Variants in PRDM16 observed in about 807,000 individuals in gnomAD.
PRDM16 encodes the protein PR/SET domain 16.
A neutral mutation model predicts 110.6 loss-of-function variants in PRDM16; 23 were observed. The observed-to-expected ratio is 0.21, with a 90% CI of 0.15 to 0.29. The LOEUF (loss-of-function observed/expected upper bound fraction) is 0.29, where lower values mean the gene tolerates loss of function less well. PRDM16 is among the 10% of genes least tolerant of loss of function. The pLI, the probability that PRDM16 is intolerant of heterozygous loss-of-function variation, is 1.00. For missense variants in PRDM16, 1,615 were observed against 1,794.3 expected, an observed-to-expected ratio of 0.90 and a Z score of 1.81; for synonymous variants, 799 against 781.8, an observed-to-expected ratio of 1.02 and a Z score of -0.37.
intron 10 of PRDM16, among the ~76,000 whole-genome samples, chr1:3,415,380 C>T (rs773319563): frequency 9.2e-5 from 14 of 152,270 alleles, no homozygotes; most frequent in Non-Finnish European, 1.6e-4. Flanking sequence ...GTGGGCCTGG[C>T]CCTGACAGAC....
At chr1:3,361,197 A>G (rs1367521802) in intron 3 of PRDM16, among the ~76,000 whole-genome samples, 1 of 151,744 alleles carries the variant, frequency 6.6e-6, no homozygotes, top group East Asian at 1.9e-4. Context: ...CCCCCTTTAA[A>G]CCAAGCAGCT....
intron 3 of PRDM16, among the ~76,000 whole-genome samples, chr1:3,314,676 C>T (rs1381142133): frequency 2.0e-5 from 3 of 151,858 alleles, no homozygotes; most frequent in East Asian, 3.9e-4. Flanking sequence ...CCTTCGCCCC[C>T]GTAGCCAGTT....
At chr1:3,252,735 G>A (rs575397926) in intron 3 of PRDM16, among the ~76,000 whole-genome samples, 5 of 152,094 alleles carry the variant, frequency 3.3e-5, no homozygotes, top group South Asian at 2.1e-4. Flanking sequence ...TCCTGGGGCC[G>A]ACTGTGATCC....
intron 3 of PRDM16, among the ~76,000 whole-genome samples, chr1:3,313,512 A>G (rs904153072): frequency 6.6e-6 from 1 of 152,172 alleles, no homozygotes; most frequent in Non-Finnish European, 1.5e-5. Flanking sequence ...GAGAGAAACA[A>G]CCTGGAAAGA....
chr1:3,155,197 C>A (rs188258), intron 1 of PRDM16, among the ~76,000 whole-genome samples: 31 of 152,222 alleles, frequency 2.0e-4, no homozygotes, highest in African/African-American at 6.8e-4. Flanking sequence ...CCGGGAGAGG[C>A]ATCTCTCCGG....
At chr1:3,086,845 G>C (rs1355509628) in intron 1 of PRDM16, among the ~76,000 whole-genome samples, 1 of 152,196 alleles carries the variant, frequency 6.6e-6, no homozygotes, top group Non-Finnish European at 1.5e-5. Context: ...CTCGCGCCTG[G>C]AGATTTCAGT....
At chr1:3,253,936 G>A (rs1396308000) in intron 3 of PRDM16, among the ~76,000 whole-genome samples, 64 of 152,174 alleles carry the variant, frequency 4.2e-4, no homozygotes, top group Admixed American at 4.2e-3. Flanking sequence ...TTGTGGTTTT[G>A]ATTTGTATTT....
At chr1:3,191,303 C>T (rs975985566) in intron 2 of PRDM16, among the ~76,000 whole-genome samples, 5 of 152,178 alleles carry the variant, frequency 3.3e-5, no homozygotes, top group Non-Finnish European at 7.4e-5. Flanking sequence ...AACAAATGCA[C>T]TGTATCTGGG....
intron 3 of PRDM16, among the ~76,000 whole-genome samples, chr1:3,256,841 AGT>A (rs1640059894): frequency 2.7e-5 from 4 of 150,488 alleles, no homozygotes; most frequent in South Asian, 2.1e-4. Context: ...TGGGCGACAG[AGT>A]GCGACTCCAT....
chr1:3,319,200 G>T lies in PRDM16; in HGVS notation c.439-65952G>T, dbSNP rs1260418952. ...AGGGTACAGCCCAGGGCTCCCTGCTGCCCGGCAGGGATGGGGAGCTAGGAG... is the reference window on the plus strand; with the variant it reads ...AGGGTACAGCCCAGGGCTCCCTGCTTCCCGGCAGGGATGGGGAGCTAGGAG... On this transcript the variant is annotated intron_variant, in intron 3 of 16. Transcript: ENST00000270722. 2.6e-5 allele frequency among the ~76,000 whole-genome samples: 4 copies of T among 152,202 alleles called. No individual in the cohort carries two copies. The East Asian group carries it at 7.7e-4, about 29-fold the overall frequency.
chr1:3,071,641 G>T (rs972265004), intron 1 of PRDM16, among the ~76,000 whole-genome samples: 3 of 152,208 alleles, frequency 2.0e-5, no homozygotes, highest in Admixed American at 2.0e-4. Flanking sequence ...GAACTTCCCC[G>T]GGGACCATAG....
chr1:3,417,267 T>C (rs1216538730), intron 10 of PRDM16, among the ~76,000 whole-genome samples: 1 of 152,276 alleles, frequency 6.6e-6, no homozygotes, highest in Non-Finnish European at 1.5e-5. Flanking sequence ...AATTCCTTAG[T>C]ACTTTGCCTG....
chr1:3,115,672 C>CGGGCTGACCGG (rs1553127672), intron 1 of PRDM16, among the ~76,000 whole-genome samples: 2 of 152,162 alleles, frequency 1.3e-5, no homozygotes, highest in African/African-American at 4.8e-5. Context: ...GGGCAAAGGC[C>CGGGCTGACCGG]GGGCTGACCG....
intron 3 of PRDM16, among the ~76,000 whole-genome samples, chr1:3,311,715 G>T (rs1641465100): frequency 6.6e-6 from 1 of 152,204 alleles, no homozygotes; most frequent in Non-Finnish European, 1.5e-5. Flanking sequence ...CACCCCCAAA[G>T]CTGATTTCAC....
chr1:3,140,402 G>A (rs940804688), intron 1 of PRDM16, among the ~76,000 whole-genome samples: 22 of 152,134 alleles, frequency 1.4e-4, no homozygotes, highest in Non-Finnish European at 3.1e-4. Flanking sequence ...AGGCCTTGAC[G>A]GGGCTGGGAG....
At chr1:3,352,918 G>C (rs1642522475) in intron 3 of PRDM16, among the ~76,000 whole-genome samples, 1 of 152,204 alleles carries the variant, frequency 6.6e-6, no homozygotes, top group African/African-American at 2.4e-5. Flanking sequence ...CCACGTCGGG[G>C]AGGGGGCCGT....
At chr1:3,137,422 G>A (rs1430008895) in intron 1 of PRDM16, among the ~76,000 whole-genome samples, 2 of 152,222 alleles carry the variant, frequency 1.3e-5, no homozygotes, top group Non-Finnish European at 2.9e-5. Flanking sequence ...AGTGGTGGCT[G>A]CCAGGGGACA....
At chr1:3,172,389 G>A (rs576735714) in intron 1 of PRDM16, among the ~76,000 whole-genome samples, 184 of 152,308 alleles carry the variant, frequency 1.2e-3, no homozygotes, top group Non-Finnish European at 2.5e-3. Context: ...TGAGATCTGG[G>A]CAGTGGGGCT....
intron 3 of PRDM16, among the ~76,000 whole-genome samples, chr1:3,251,195 G>A (rs1263096731): frequency 6.6e-6 from 1 of 152,192 alleles, no homozygotes; most frequent in Non-Finnish European, 1.5e-5. Flanking sequence ...CTGCCCTTTG[G>A]ACCTGGTTCT....
Sources: gnomAD v4.1 joint callset for allele counts (sites outside exome capture counted in the v4.1 genomes callset) on GRCh38, gnomAD v4.1.1 for gene constraint, MANE v1.5 for transcripts, NCBI Gene and HGNC (gene_info 2026-07-23, HGNC 2026-07-21) for gene names.